TRMT2A: variants seen among roughly 807,000 people sequenced by gnomAD.
TRMT2A encodes the protein tRNA methyltransferase 2A.
TRMT2A carries 60 observed loss-of-function variants against 59.3 expected under a neutral mutation model. The observed-to-expected ratio is 1.01, with a 90% CI of 0.82 to 1.26. The LOEUF is 1.26. Ranked by LOEUF, TRMT2A falls within the 50% of genes most tolerant of loss-of-function variation. TRMT2A has a pLI of 0.00. For missense variants in TRMT2A, 863 were observed against 845.2 expected (o/e 1.02, Z -0.26); for synonymous variants, 403 against 353.7 (o/e 1.14, Z -1.56).
rs769918678 is a variant in TRMT2A, at chr22:20,115,774, G to C, written c.606C>G (p.Ile202Met). The change falls in exon 3 of 12, where the codon ATC becomes ATG. Residue 202 changes from isoleucine (I) to methionine (M), a missense_variant. Coordinates refer to ENST00000252136, the MANE Select transcript of TRMT2A (RefSeq NM_022727.6). ...GCAGCAAGGCACGGTTGGTGCTCCC[G>C]ATTTCCCTGTAAGAGGAGCAGATCG... ...EQVLQKLAKEIGSTNRALLPW... is the reference protein window; with the variant it reads ...EQVLQKLAKEMGSTNRALLPW... The C allele has an allele frequency of 3.1e-6, 5 of 1,606,952 alleles. No individual in the cohort carries two copies. Among genetic ancestry groups the C allele is most frequent in the Middle Eastern group, 1.7e-4 (1 of 5,954 alleles).
In TRMT2A at chr22:20,115,741, C is replaced by T. The variant is rs9605068; in HGVS notation, c.639G>A (p.Leu213=). ...GSTNRALLPW[L]LEQRHKHNKA... is the part of the protein sequence containing the mutation. ...TGTTGTGCTTGTGCCTCTGCTCGAG[C>T]AGCCAGGGCAGCAAGGCACGGTTGG... is the stretch of plus-strand genomic sequence containing the variant. Residue 213 remains leucine, a synonymous_variant, in exon 3 of 12, where the codon CTG becomes CTA. Transcript: ENST00000252136. The T allele has an allele frequency of 0.036, 58,122 of 1,612,224 alleles. 1,266 individuals carry two copies. Among genetic ancestry groups the T allele is most frequent in the Non-Finnish European group, 0.041 (47,820 of 1,179,354 alleles).
At position 20,115,745 on chromosome 22, in the gene TRMT2A, C is replaced by T. The variant is rs1287680966; in HGVS notation, c.635G>A (p.Trp212Ter). Residue 212 changes from tryptophan to a stop codon, truncating the protein, a stop_gained, in exon 3 of 12, where the codon TGG (tryptophan) becomes TAG (stop). Transcript: ENST00000252136. LOFTEE classifies it high-confidence loss of function. ...IGSTNRALLPWLLEQRHKHNK... is the reference protein window; with the variant it reads ...IGSTNRALLP The stretch of plus-strand genomic sequence containing the variant: ...GTGCTTGTGCCTCTGCTCGAGCAGC[C>T]AGGGCAGCAAGGCACGGTTGGTGCT... 1 of 1,612,314 alleles carries T rather than the reference C, an allele frequency of 6.2e-7. No individual in the cohort carries two copies. The highest frequency in any genetic ancestry group is 8.5e-7 in the Non-Finnish European group (1 of 1,179,456).
In TRMT2A at chr22:20,115,069, A is replaced by G. The variant is rs1369453609; in HGVS notation, c.901T>C (p.Tyr301His). ...AFQEFIRSTPYSAYDPETYTG... is the reference protein window; with the variant it reads ...AFQEFIRSTPHSAYDPETYTG... ...TACGTCTCTGGGTCGTATGCCGAGTATGGAGTGGACCTGTGGGAATCACGA... is the reference window on the plus strand; with the variant it reads ...TACGTCTCTGGGTCGTATGCCGAGTGTGGAGTGGACCTGTGGGAATCACGA... The change falls in exon 5 of 12, where the codon TAC (tyrosine) becomes CAC (histidine). Residue 301 changes from tyrosine (Y) to histidine (H), a missense_variant. By Grantham distance (83) the Tyr-to-His change is moderately conservative. Coordinates refer to ENST00000252136, the MANE Select transcript of TRMT2A (RefSeq NM_022727.6). 3 of 1,591,952 alleles carry G rather than the reference A, an allele frequency of 1.9e-6. No homozygotes were observed. Among genetic ancestry groups the G allele is most frequent in the Admixed American group, 1.8e-5 (1 of 56,872 alleles).
chr22:20,114,925 T>G (rs1161759517), intron 5 of TRMT2A, 40 bp downstream of exon 5: 1 of 1,568,350 alleles, frequency 6.4e-7, no homozygotes, highest in East Asian at 2.3e-5. Context: ...GAGGCCCACC[T>G]AGGCTAGGCA....
At chr22:20,116,833 C>CCAACAA in intron 1 of TRMT2A, 50 bp downstream of exon 1, 1 of 1,527,696 alleles carries the variant, frequency 6.5e-7, no homozygotes, top group Non-Finnish European at 9.0e-7. Flanking sequence ...ACCCACCCCG[C>CCAACAA]CTCCTCCCAC....
At position 20,113,110 on chromosome 22, in the gene TRMT2A, C is replaced by A. The variant is rs1318046967; in HGVS notation, c.1549+8G>T. 6.2e-7 allele frequency: 1 copy of A among 1,606,726 alleles called. No homozygotes were observed. Among genetic ancestry groups the A allele is most frequent in the Non-Finnish European group, 8.5e-7 (1 of 1,175,422 alleles). On this transcript the variant is annotated splice_region_variant and intron_variant, in intron 10 of 11. Transcript: ENST00000252136. ...CCCGTGCCACCTCCTTAAGCAAAAG[C>A]CACTCACGCAAGCCAGCACGGGGTG...
Position 20,113,901 on chromosome 22 carries a change from C to T in TRMT2A, c.1234-93G>A, listed in dbSNP as rs960432277. ...CACATTCCTGGTCCCTCCATCCTGC[C>T]GGGACCTCCGGCGCCCACTCCCCAC... On this transcript the variant is annotated intron_variant, in intron 7 of 11. Transcript: ENST00000252136. 32 of 1,424,990 alleles carry T rather than the reference C, an allele frequency of 2.2e-5. No homozygotes were observed. In the African/African-American group the frequency reaches 2.3e-4, roughly 10 times the overall value. The allele number at this position is 1,424,990 out of a possible 1,614,324, so 88.3% of individuals were successfully genotyped here.
At chr22:20,113,554 A>C (rs753912354) in intron 8 of TRMT2A, 47 bp from the exon 9 acceptor site, 1 of 1,611,570 alleles carries the variant, frequency 6.2e-7, no homozygotes, top group Non-Finnish European at 8.5e-7. Flanking sequence ...AGGGGAGTAC[A>C]TGGGGCCCTG....
intron 1 of TRMT2A, 133 bp from the exon 2 acceptor site, chr22:20,116,745 C>T (rs114221480): frequency 2.1e-6 from 3 of 1,409,612 alleles, no homozygotes; most frequent in East Asian, 2.5e-5. Context: ...CCAGTCTACC[C>T]TCCCGACCCC....
chr22:20,116,016 G>A (rs199785710), intron 2 of TRMT2A, 22 bp downstream of exon 2: 439 of 1,535,306 alleles, frequency 2.9e-4, no homozygotes, highest in Admixed American at 5.5e-4. Flanking sequence ...GGCCAAGAGG[G>A]GCGTCTTGCG....
rs1268175751 is a variant in TRMT2A at position 20,112,789 on chromosome 22, C to A, written c.1652G>T (p.Cys551Phe). 24 of 1,613,252 alleles carry A rather than the reference C, an allele frequency of 1.5e-5. No homozygotes were observed. The highest frequency in any genetic ancestry group is 2.0e-5 in the Non-Finnish European group (24 of 1,179,990). Residue 551 changes from cysteine to phenylalanine, a missense_variant, in exon 12 of 12, where the codon TGC becomes TTC. By Grantham distance (205) the Cys-to-Phe change is radical (BLOSUM62 -2). Transcript: ENST00000252136. Reference protein sequence around the residue: ...RAAMGNFVDLCRAPSNRVKGI... With the variant: ...RAAMGNFVDLFRAPSNRVKGI... ...CTTCACCCGGTTAGATGGGGCTCTG[C>A]AGAGGCTGTGGGGGGAAAAGGGGGG...
In TRMT2A at chr22:20,117,017, G is replaced by A. The variant is rs958161033; in HGVS notation, c.-111C>T. 24 of 1,415,568 alleles carry A rather than the reference G, an allele frequency of 1.7e-5. No homozygotes were observed. The African/African-American group carries it at 2.4e-4, about 14-fold the overall frequency. The allele number at this position is 1,415,568 out of a possible 1,614,324, so 87.7% of individuals were successfully genotyped here. On this transcript the variant is annotated 5_prime_UTR_variant, in exon 1 of 12. Coordinates refer to ENST00000252136, the MANE Select transcript of TRMT2A (RefSeq NM_022727.6). Reference sequence around the variant, plus strand: ...CTGTCACAAGGGAAGTGCTCAGAGGGGAGGTGCTCACAGAGCCGGTGCAAC... The same window carrying A: ...CTGTCACAAGGGAAGTGCTCAGAGGAGAGGTGCTCACAGAGCCGGTGCAAC...
chr22:20,113,331 C>G, intron 9 of TRMT2A, 97 bp from the exon 10 acceptor site: 1 of 1,520,258 alleles, frequency 6.6e-7, no homozygotes, highest in Non-Finnish European at 8.9e-7. Context: ...CTCACTTGCT[C>G]TACCTGTCGG....
chr22:20,112,682 C>CA lies in TRMT2A; in HGVS notation c.1758dup (p.Glu587Ter), dbSNP rs781702205. 16 of 1,613,972 alleles carry CA rather than the reference C, an allele frequency of 9.9e-6. No individual in the cohort carries two copies. Among genetic ancestry groups the CA allele is most frequent in the Non-Finnish European group, 1.3e-5 (15 of 1,180,034 alleles). ...GTGCCATTGGGGTGCTCCACCCTCTCAAACAGGATGAGCATCTCACAGTGC... is the reference window on the plus strand; with the variant it reads ...GTGCCATTGGGGTGCTCCACCCTCTCAAAACAGGATGAGCATCTCACAGTGC... On this transcript the variant is annotated frameshift_variant, in exon 12 of 12. Transcript: ENST00000252136. LOFTEE classifies it low-confidence loss of function (END_TRUNC).
In TRMT2A at chr22:20,113,821, G is replaced by A. The variant is rs1023250424; in HGVS notation, c.1234-13C>T. ...CGGGTGTGTTCACCTGGGGGCAGGC[G>A]GTGCCCAGGATGTCAGTGGCTCCTC... On this transcript the variant is annotated splice_polypyrimidine_tract_variant and intron_variant, in intron 7 of 11. Coordinates refer to ENST00000252136, the MANE Select transcript of TRMT2A (RefSeq NM_022727.6). 19 of 1,544,280 alleles carry A rather than the reference G, an allele frequency of 1.2e-5. No homozygotes were observed. The highest frequency in any genetic ancestry group is 3.8e-5 in the Admixed American group (2 of 52,540).
In TRMT2A at chr22:20,116,382, G is replaced by A. The variant is rs1163366433; in HGVS notation, c.255C>T (p.Ser85=). ...CCAGGAAGCGCCGGACGTCGCTGAAGCTGGCGTGGCGAGGCACGTTCTGCA... is the reference window on the plus strand; with the variant it reads ...CCAGGAAGCGCCGGACGTCGCTGAAACTGGCGTGGCGAGGCACGTTCTGCA... ...LELQNVPRHA[S]FSDVRRFLGR... The change falls in exon 2 of 12, where the codon AGC becomes AGT. Residue 85 remains serine (S), a synonymous_variant. Coordinates refer to ENST00000252136, the MANE Select transcript of TRMT2A (RefSeq NM_022727.6). 6.2e-7 allele frequency: 1 copy of A among 1,612,170 alleles called. No individual in the cohort carries two copies. Among genetic ancestry groups the A allele is most frequent in the South Asian group, 1.1e-5 (1 of 91,080 alleles).
chr22:20,112,814 G>C lies in TRMT2A; in HGVS notation c.1647-20C>G. On this transcript the variant is annotated intron_variant, in intron 11 of 11. Transcript: ENST00000252136. ...CAGAGGCTGTGGGGGGAAAAGGGGG[G>C]CGCTAAGGTCAGCCGATAGGCTAAT... The C allele has an allele frequency of 6.2e-7, 1 of 1,612,818 alleles. No homozygotes were observed.
chr22:20,115,511 T>C, intron 3 of TRMT2A, 64 bp from the exon 4 acceptor site: 4 of 1,578,868 alleles, frequency 2.5e-6, no homozygotes, highest in Non-Finnish European at 3.4e-6. Flanking sequence ...AAACCCTGAT[T>C]TCCCCACAGG....
At position 20,115,419 on chromosome 22, in the gene TRMT2A, A is replaced by G. The variant is rs370644731; in HGVS notation, c.737T>C (p.Leu246Pro). The change falls in exon 4 of 12, where the codon CTG becomes CCG. Residue 246 changes from leucine to proline, a missense_variant. Transcript: ENST00000252136. The stretch of plus-strand genomic sequence containing the variant: ...CTCCCCATCCACCCCGACGCCAACC[A>G]GAAACTCACACTTATTACGATACTC... ...QTEYRNKCEF[L>P]VGVGVDGEDN... 8.1e-6 allele frequency: 13 copies of G among 1,611,388 alleles called. No individual in the cohort carries two copies. Among genetic ancestry groups the G allele is most frequent in the African/African-American group, 1.3e-5 (1 of 74,894 alleles).
Sources: allele counts gnomAD v4.1 joint callset, GRCh38; gene constraint gnomAD v4.1.1; transcripts MANE v1.5; gene names NCBI Gene and HGNC (gene_info 2026-07-23, HGNC 2026-07-21).